The following IKBKB-DT variants were observed in gnomAD, a reference collection of about 807,000 sequenced individuals.
The protein encoded by IKBKB-DT is IKBKB divergent transcript.
At position 42,248,246 on chromosome 8, in the gene IKBKB-DT, C is replaced by T. The variant is rs111568413; in HGVS notation, n.1530-14387G>A. ...CTCACACTTTATAGCAGTGTGAAAA[C>T]GGACTAATATAGGTGGTAATGCTCG... On this transcript the variant is annotated intron_variant and non_coding_transcript_variant, in intron 3 of 3. Transcript: ENST00000518213. 3.0e-3 allele frequency among the ~76,000 whole-genome samples: 457 copies of T among 152,148 alleles called. 5 individuals carry two copies. Among genetic ancestry groups the T allele is most frequent in the Middle Eastern group, 0.024 (7 of 294 alleles).
intron 3 of IKBKB-DT, among the ~76,000 whole-genome samples, chr8:42,257,065 GACA>G (rs879733842): frequency 3.3e-5 from 5 of 152,166 alleles, no homozygotes; most frequent in East Asian, 1.9e-4. Flanking sequence ...AATTATAACT[GACA>G]ACATTATAAC....
intron 3 of IKBKB-DT, among the ~76,000 whole-genome samples, chr8:42,238,976 A>G (rs144472890): frequency 5.3e-5 from 8 of 152,116 alleles, no homozygotes; most frequent in Non-Finnish European, 7.4e-5. Flanking sequence ...CTCTTTCTCT[A>G]CTGCAACACT....
intron 3 of IKBKB-DT, among the ~76,000 whole-genome samples, chr8:42,253,239 C>T (rs767977784): frequency 6.6e-5 from 10 of 152,148 alleles, no homozygotes; most frequent in Non-Finnish European, 1.3e-4. Flanking sequence ...AATTTTCAAC[C>T]AGAAAATGTT....
chr8:42,247,101 C>T (rs1213670750), intron 3 of IKBKB-DT, among the ~76,000 whole-genome samples: 6 of 152,244 alleles, frequency 3.9e-5, no homozygotes, highest in Non-Finnish European at 7.4e-5. Context: ...CAGCTTGCAT[C>T]GTGTGCCTGT....
chr8:42,260,004 AAG>A (rs1363492316), intron 3 of IKBKB-DT, among the ~76,000 whole-genome samples: 2 of 151,668 alleles, frequency 1.3e-5, no homozygotes, highest in South Asian at 2.1e-4. Context: ...ACAAAAAAAA[AAG>A]AGAGAGAAAA....
At chr8:42,268,894 T>C (rs774948909) in intron 1 of IKBKB-DT, among the ~76,000 whole-genome samples, 98 of 152,312 alleles carry the variant, frequency 6.4e-4, no homozygotes, top group Middle Eastern at 3.4e-3. Context: ...AAAAATTTAC[T>C]TATTAAGCAA....
At chr8:42,237,067 G>A (rs750613920) in intron 3 of IKBKB-DT, among the ~76,000 whole-genome samples, 2 of 146,180 alleles carry the variant, frequency 1.4e-5, no homozygotes, top group Non-Finnish European at 3.0e-5. Context: ...TCTCTTTTAC[G>A]AGAGAAGGCT....
chr8:42,269,587 TGGAGG>T (rs1378703715), intron 1 of IKBKB-DT, among the ~76,000 whole-genome samples: 1 of 28,406 alleles, frequency 3.5e-5, no homozygotes, highest in African/African-American at 1.4e-4. Context: ...GGGAGGGGAG[TGGAGG>T]GGAGGGGAGG....
chr8:42,267,171 AT>A (rs1204550291), intron 1 of IKBKB-DT, among the ~76,000 whole-genome samples: 13 of 151,070 alleles, frequency 8.6e-5, no homozygotes, highest in African/African-American at 3.2e-4. Flanking sequence ...TGCCTGGCTA[AT>A]TTTTTGTATT....
chr8:42,241,461 A>T (rs532146265), intron 3 of IKBKB-DT, among the ~76,000 whole-genome samples: 4 of 151,658 alleles, frequency 2.6e-5, no homozygotes. Flanking sequence ...TATATTTTAA[A>T]CTTTTCGTAC....
intron 3 of IKBKB-DT, among the ~76,000 whole-genome samples, chr8:42,262,083 A>C (rs1410961275): frequency 6.6e-6 from 1 of 151,790 alleles, no homozygotes. Context: ...GTCACTGTCC[A>C]AAAAAATTAA....
intron 3 of IKBKB-DT, among the ~76,000 whole-genome samples, chr8:42,256,004 C>T (rs191320029): frequency 7.6e-5 from 11 of 144,248 alleles, no homozygotes; most frequent in East Asian, 4.1e-4. Flanking sequence ...CCAGCCTGGG[C>T]GACAAGAGTG....
exon 2 of IKBKB-DT, chr8:42,266,227 C>G (rs1257217502): frequency 6.5e-6 from 1 of 152,694 alleles, no homozygotes; most frequent in African/African-American, 2.4e-5. Context: ...AATCGCTGAA[C>G]CAGAGCTGAC....
intron 3 of IKBKB-DT, among the ~76,000 whole-genome samples, chr8:42,260,253 C>T (rs1807266191): frequency 1.3e-5 from 2 of 152,108 alleles, no homozygotes; most frequent in Non-Finnish European, 2.9e-5. Flanking sequence ...GAGACATTCC[C>T]ATAGGAGCTG....
intron 3 of IKBKB-DT, among the ~76,000 whole-genome samples, chr8:42,262,179 G>A (rs1382515609): frequency 6.6e-6 from 1 of 152,022 alleles, no homozygotes; most frequent in Non-Finnish European, 1.5e-5. Context: ...TATATCTAAT[G>A]CTAGATGACA....
chr8:42,243,291 A>G (rs12114935), intron 3 of IKBKB-DT, among the ~76,000 whole-genome samples: 47,832 of 152,156 alleles, frequency 0.31, 10,180 homozygotes, highest in African/African-American at 0.6. Flanking sequence ...GCTCTGGAGC[A>G]TCTAAGCACA....
rs1287944961 is a variant in IKBKB-DT, at chr8:42,239,632, A to ATATATATATATATATT, written n.1530-5774_1530-5773insAATATATATATATATA. On this transcript the variant is annotated intron_variant and non_coding_transcript_variant, in intron 3 of 3. Transcript: ENST00000518213. Reference sequence around the variant, plus strand: ...AGGCAATTTATATATATATATATATATATTTATTTATTTATTCATTTTTTT... The same window carrying ATATATATATATATATT: ...AGGCAATTTATATATATATATATATATATATATATATATATTTATTTATTTATTTATTCATTTTTTT... Among the ~76,000 whole-genome samples the ATATATATATATATATT allele has an allele frequency of 4.7e-3, 405 of 86,934 alleles. 14 individuals are homozygous for ATATATATATATATATT. Among genetic ancestry groups the ATATATATATATATATT allele is most frequent in the African/African-American group, 0.017 (388 of 23,022 alleles). 57.0% of individuals were successfully genotyped at this position (86,934 alleles called of 152,430 possible). A position where few individuals can be genotyped will look rare whatever the true frequency, so the allele number is the denominator to read the frequency against.
At chr8:42,246,129 C>T (rs1045167058) in intron 3 of IKBKB-DT, among the ~76,000 whole-genome samples, 3 of 152,184 alleles carry the variant, frequency 2.0e-5, no homozygotes, top group Admixed American at 6.5e-5. Flanking sequence ...GTCAACCTCC[C>T]AGGCTCAGGC....
chr8:42,261,816 C>T (rs907313219), intron 3 of IKBKB-DT, among the ~76,000 whole-genome samples: 1 of 152,194 alleles, frequency 6.6e-6, no homozygotes, highest in Non-Finnish European at 1.5e-5. Flanking sequence ...AGATGGGATG[C>T]AGCCCACACT....
Sources: gnomAD v4.1 joint callset for allele counts (sites outside exome capture counted in the v4.1 genomes callset) on GRCh38, gnomAD v4.1.1 for gene constraint, MANE v1.5 for transcripts, NCBI Gene and HGNC (gene_info 2026-07-23, HGNC 2026-07-21) for gene names.